The following ZBTB20 variants were observed in gnomAD, a reference collection of about 807,000 sequenced individuals.
ZBTB20 encodes the protein zinc finger and BTB domain containing 20.
A neutral mutation model predicts 56.9 loss-of-function variants in ZBTB20; 9 were observed. The observed-to-expected ratio is 0.16, with a 90% CI of 0.10 to 0.28. The LOEUF is 0.28. Ranked by LOEUF, ZBTB20 falls within the 10% of genes least tolerant of loss-of-function variation. The probability of loss-of-function intolerance (pLI) is 1.00; values close to 1 mark genes in which losing one functional copy is unlikely to be tolerated. For synonymous variants in ZBTB20, 417 were observed against 420.7 expected (o/e 0.99, Z 0.11); for missense variants, 655 against 1,003.0 (o/e 0.65, Z 4.69).
At position 114,356,617 on chromosome 3, in the gene ZBTB20, A is replaced by T. The variant is rs925279541; in HGVS notation, c.200-4739T>A. On this transcript the variant is annotated intron_variant, in intron 10 of 11. Coordinates refer to ENST00000675478, the MANE Select transcript of ZBTB20 (RefSeq NM_001348800.3). ...TCAATTTGGGGCACCAGATGAGGTT[A>T]GTGGGTCTTGCACATGAAACAGGGT... Among the ~76,000 whole-genome samples, 14 of 134,176 alleles carry T rather than the reference A, an allele frequency of 1.0e-4. 1 individual carries two copies. The highest frequency in any genetic ancestry group is 3.6e-4 in the African/African-American group (14 of 38,446). 88.0% of individuals were successfully genotyped at this position (134,176 alleles called of 152,430 possible).
chr3:115,140,788 T>C (rs976996513), intron 1 of ZBTB20, among the ~76,000 whole-genome samples: 10 of 152,194 alleles, frequency 6.6e-5, no homozygotes, highest in East Asian at 1.9e-4. Context: ...CTTTTTAATA[T>C]TATGTTGAAT....
In ZBTB20 at chr3:114,326,627, GAAAC is replaced by G. The variant is rs2108021716; in HGVS notation, c.*12374_*12377del. On this transcript the variant is annotated 3_prime_UTR_variant, in exon 12 of 12. Coordinates refer to ENST00000675478, the MANE Select transcript of ZBTB20 (RefSeq NM_001348800.3). ...TTACTATCTTGAGAAGAAAGAAAGGGAAACAAATAAATCAACAAAAAAACCTTAC... is the reference window on the plus strand; with the variant it reads ...TTACTATCTTGAGAAGAAAGAAAGGGAAATAAATCAACAAAAAAACCTTAC... 7.4e-6 allele frequency: 1 copy of G among 134,866 alleles called. No individual in the cohort carries two copies. The highest frequency in any genetic ancestry group is 2.6e-5 in the African/African-American group (1 of 38,998). The allele number at this position is 134,866 out of a possible 1,614,324, so 8.4% of individuals were successfully genotyped here. A position where few individuals can be genotyped will look rare whatever the true frequency, so the allele number is the denominator to read the frequency against.
At chr3:114,558,647 C>T (rs1331990550) in intron 6 of ZBTB20, among the ~76,000 whole-genome samples, 2 of 151,906 alleles carry the variant, frequency 1.3e-5, no homozygotes, top group Non-Finnish European at 1.5e-5. Flanking sequence ...CCTTTTTGCT[C>T]CTCTACAACC....
At chr3:114,746,601 C>T (rs2067064897) in intron 5 of ZBTB20, among the ~76,000 whole-genome samples, 1 of 152,128 alleles carries the variant, frequency 6.6e-6, no homozygotes, top group African/African-American at 2.4e-5. Context: ...CTTGAAACAG[C>T]TACAACAGTG....
chr3:115,025,814 A>G (rs2080401004), intron 2 of ZBTB20, among the ~76,000 whole-genome samples: 1 of 149,970 alleles, frequency 6.7e-6, no homozygotes, highest in African/African-American at 2.4e-5. Flanking sequence ...AGTTGCTACA[A>G]TATCACAATT....
chr3:114,536,772 G>A (rs188648889), intron 6 of ZBTB20, among the ~76,000 whole-genome samples: 324 of 152,228 alleles, frequency 2.1e-3, no homozygotes, highest in Admixed American at 4.1e-3. Context: ...AAACGGCATG[G>A]TACTGGTACC....
intron 1 of ZBTB20, among the ~76,000 whole-genome samples, chr3:115,094,189 A>AT (rs1315640013): frequency 2.6e-5 from 4 of 152,074 alleles, no homozygotes; most frequent in African/African-American, 9.7e-5. Flanking sequence ...AAAGTAAGTT[A>AT]TTTTTGCCTT....
chr3:114,796,048 C>A (rs779877020), intron 5 of ZBTB20, among the ~76,000 whole-genome samples: 9 of 151,996 alleles, frequency 5.9e-5, no homozygotes, highest in Non-Finnish European at 1.0e-4. Flanking sequence ...CAAGCTACCA[C>A]AAGCTTGTTG....
intron 6 of ZBTB20, among the ~76,000 whole-genome samples, chr3:114,690,732 G>T (rs1013250584): frequency 6.6e-6 from 1 of 152,028 alleles, no homozygotes; most frequent in African/African-American, 2.4e-5. Flanking sequence ...ATTTCTAAAT[G>T]CCTCACATAC....
In ZBTB20 at chr3:114,710,004, T is replaced by A. The variant is rs186728701; in HGVS notation, c.-342-16429A>T. 5.9e-4 allele frequency among the ~76,000 whole-genome samples: 90 copies of A among 152,314 alleles called. 1 individual carries two copies. The East Asian group carries it at 0.01, about 18-fold the overall frequency. ...AATGGGTTAGAGTTTCACCTTCCTATGAATTCACATTGATTTTTCCTACAC... is the reference window on the plus strand; with the variant it reads ...AATGGGTTAGAGTTTCACCTTCCTAAGAATTCACATTGATTTTTCCTACAC... On this transcript the variant is annotated intron_variant, in intron 5 of 11. Coordinates refer to ENST00000675478, the MANE Select transcript of ZBTB20 (RefSeq NM_001348800.3).
intron 6 of ZBTB20, among the ~76,000 whole-genome samples, chr3:114,550,446 A>G (rs1343880563): frequency 6.6e-6 from 1 of 152,210 alleles, no homozygotes; most frequent in African/African-American, 2.4e-5. Flanking sequence ...CCAAATTGTA[A>G]GCTGATTTGT....
At chr3:115,124,130 GA>G (rs2084257662) in intron 1 of ZBTB20, among the ~76,000 whole-genome samples, 1 of 152,302 alleles carries the variant, frequency 6.6e-6, no homozygotes, top group Non-Finnish European at 1.5e-5. Context: ...AATAATACCT[GA>G]ATGGATGTTA....
At chr3:114,900,514 C>CACACAT (rs1560378437) in intron 3 of ZBTB20, 172 bp from the exon 4 acceptor site, 1 of 49,372 alleles carries the variant, frequency 2.0e-5, no homozygotes, top group Non-Finnish European at 6.3e-5. Context: ...AAAATATATA[C>CACACAT]ACACACACAC....
chr3:114,790,249 A>T (rs2070847576), intron 5 of ZBTB20, among the ~76,000 whole-genome samples: 1 of 152,184 alleles, frequency 6.6e-6, no homozygotes, highest in South Asian at 2.1e-4. Flanking sequence ...CTTCTTTAAT[A>T]ATAGATGTTC....
chr3:114,590,740 A>C (rs967407525), intron 6 of ZBTB20, among the ~76,000 whole-genome samples: 7 of 152,022 alleles, frequency 4.6e-5, no homozygotes. Context: ...TTTGCTTCTG[A>C]GTAACTGTGG....
chr3:114,449,806 T>C (rs959352333), intron 7 of ZBTB20, among the ~76,000 whole-genome samples: 6 of 151,986 alleles, frequency 3.9e-5, no homozygotes, highest in African/African-American at 1.2e-4. Context: ...GACTAGCACA[T>C]CTTTGCTCTG....
At chr3:114,610,410 T>G (rs1560032669) in intron 6 of ZBTB20, among the ~76,000 whole-genome samples, 1 of 152,214 alleles carries the variant, frequency 6.6e-6, no homozygotes, top group Non-Finnish European at 1.5e-5. Context: ...CCGATAGGTC[T>G]CCTATTCACA....
intron 7 of ZBTB20, among the ~76,000 whole-genome samples, chr3:114,408,978 C>T (rs1289836701): frequency 6.6e-6 from 1 of 152,008 alleles, no homozygotes; most frequent in Non-Finnish European, 1.5e-5. Context: ...AGGTCCTCGC[C>T]TTCATACATC....
chr3:114,537,930 A>G (rs1259012357), intron 6 of ZBTB20, among the ~76,000 whole-genome samples: 4 of 152,162 alleles, frequency 2.6e-5, no homozygotes, highest in Non-Finnish European at 5.9e-5. Context: ...AGAGTTGAAC[A>G]ATAAGAACAC....
Sources: allele counts gnomAD v4.1 joint callset (sites outside exome capture counted in the v4.1 genomes callset), GRCh38; gene constraint gnomAD v4.1.1; transcripts MANE v1.5; gene names NCBI Gene and HGNC (gene_info 2026-07-23, HGNC 2026-07-21).